Variants in VGLL4 observed in about 807,000 individuals in gnomAD.
The protein encoded by VGLL4 is vestigial like family member 4, also known as transcription cofactor vestigial-like protein 4.
Under a neutral mutation model 21.0 loss-of-function variants are expected in VGLL4, and 7 were observed. The ratio of observed to expected loss-of-function variants is 0.33; its 90% CI spans 0.19 to 0.63. The LOEUF (loss-of-function observed/expected upper bound fraction) is 0.63, where lower values mean the gene tolerates loss of function less well. Among genes scored for constraint, VGLL4 ranks in the 20% least tolerant of loss-of-function variants. VGLL4 has a pLI of 0.78. For missense variants in VGLL4, 394 were observed against 425.7 expected (o/e 0.93, Z 0.66); for synonymous variants, 222 against 173.2 (o/e 1.28, Z -2.21).
In VGLL4 at chr3:11,604,996, A is replaced by C. The variant is rs376061801; in HGVS notation, c.83-2974T>G. On this transcript the variant is annotated intron_variant, in intron 1 of 4. Transcript: ENST00000430365. ...GCCTTTCTGTCTTCTAATGCATCTCAGTCTCTGAGATGGAAACCCCGCAGG... is the reference window on the plus strand; with the variant it reads ...GCCTTTCTGTCTTCTAATGCATCTCCGTCTCTGAGATGGAAACCCCGCAGG... Among the ~76,000 whole-genome samples, 3 of 142,070 alleles carry C rather than the reference A, an allele frequency of 2.1e-5. No individual in the cohort carries two copies. The Admixed American group carries it at 2.2e-4, about 10-fold the overall frequency. The allele number at this position is 142,070 out of a possible 152,430, so 93.2% of individuals were successfully genotyped here.
intron 2 of VGLL4, among the ~76,000 whole-genome samples, chr3:11,567,833 C>A (rs1045944591): frequency 2.0e-5 from 3 of 152,222 alleles, no homozygotes; most frequent in Admixed American, 2.0e-4. Flanking sequence ...GATAAAGATA[C>A]AATTTTATTG....
intron 2 of VGLL4, among the ~76,000 whole-genome samples, chr3:11,691,956 T>C (rs1425294843): frequency 7.4e-6 from 1 of 136,048 alleles, no homozygotes; most frequent in East Asian, 2.1e-4. Context: ...AGAGAAGAGA[T>C]GATGGGTAGG....
rs751953968 is a variant in VGLL4, at chr3:11,601,931, G to A, written c.174C>T (p.Ser58=). 6 of 1,613,562 alleles carry A rather than the reference G, an allele frequency of 3.7e-6. No homozygotes were observed. Among genetic ancestry groups the A allele is most frequent in the Admixed American group, 3.3e-5 (2 of 59,952 alleles). ...SSHRTGPPPI[S]PSKRKFSMEP... The stretch of plus-strand genomic sequence containing the variant: ...CCATGCTGAACTTCCTCTTGCTGGG[G>A]CTGATTGGGGGAGGGCCGGTGCGGT... The change falls in exon 2 of 5, where the codon AGC becomes AGT. Residue 58 remains serine, a synonymous_variant. Coordinates refer to ENST00000430365, the MANE Select transcript of VGLL4 (RefSeq NM_001128219.3).
Position 11,619,535 on chromosome 3 carries a change from T to C in VGLL4, c.83-17513A>G, listed in dbSNP as rs968280680. Among the ~76,000 whole-genome samples the C allele has an allele frequency of 2.6e-5, 4 of 152,196 alleles. No homozygotes were observed. In the South Asian group the frequency reaches 8.3e-4, roughly 32 times the overall value. ...AATGAAGCTTAATTTTGAGAGACCA[T>C]GGATGCAGCAGTCTCACTTCCCTGG... is the stretch of plus-strand genomic sequence containing the variant. On this transcript the variant is annotated intron_variant, in intron 1 of 4. Transcript: ENST00000430365.
chr3:11,700,522 C>T (rs1387684072), intron 2 of VGLL4, among the ~76,000 whole-genome samples: 1 of 152,130 alleles, frequency 6.6e-6, no homozygotes, highest in Non-Finnish European at 1.5e-5. Context: ...GCCCGCCCCA[C>T]CCCTTTTTCT....
At chr3:11,688,212 T>C (rs1172481388) in intron 2 of VGLL4, among the ~76,000 whole-genome samples, 1 of 152,222 alleles carries the variant, frequency 6.6e-6, no homozygotes, top group African/African-American at 2.4e-5. Flanking sequence ...AACTTTGTAC[T>C]CTCATATCTA....
chr3:11,562,988 C>T (rs1036724401), intron 3 of VGLL4, among the ~76,000 whole-genome samples: 1 of 152,220 alleles, frequency 6.6e-6, no homozygotes, highest in Non-Finnish European at 1.5e-5. Context: ...GAGAGGGAGA[C>T]AGGGTAAAGA....
chr3:11,661,426 CA>C (rs1291495643), intron 2 of VGLL4, among the ~76,000 whole-genome samples: 1 of 147,898 alleles, frequency 6.8e-6, no homozygotes, highest in Non-Finnish European at 1.5e-5. Context: ...TATGAACCAA[CA>C]TTTTTCCTTT....
In VGLL4 at chr3:11,719,527, C is replaced by A. The variant is rs1305967379; in HGVS notation, c.-14+867G>T. The stretch of plus-strand genomic sequence containing the variant: ...GGCGCACCCCGAGGGCGCGCAGACG[C>A]ACAGGCGGGCTCGCGCCCGAGCCCC... On this transcript the variant is annotated intron_variant, in intron 1 of 5. Coordinates refer to the VGLL4 transcript ENST00000273038. The surrounding 1 kb of genome is among the most constrained non-coding windows in gnomAD (Gnocchi z 4.0). The A allele has an allele frequency of 6.7e-6, 1 of 150,098 alleles. No individual in the cohort carries two copies. Among genetic ancestry groups the A allele is most frequent in the Non-Finnish European group, 1.5e-5 (1 of 66,840 alleles). 9.3% of individuals were successfully genotyped at this position (150,098 alleles called of 1,614,324 possible).
At chr3:11,582,196 T>C in intron 2 of VGLL4, 3 of 1,464,458 alleles carry the variant, frequency 2.0e-6, no homozygotes, top group Non-Finnish European at 2.8e-6. Context: ...TCTCGCAGTT[T>C]AAATTAATTA....
At chr3:11,605,948 T>C (rs2074931575) in intron 1 of VGLL4, among the ~76,000 whole-genome samples, 1 of 152,070 alleles carries the variant, frequency 6.6e-6, no homozygotes, top group Admixed American at 6.5e-5. Context: ...GATATGAAAA[T>C]AGCCAATAAG....
chr3:11,610,012 C>A (rs1358787435), intron 1 of VGLL4, among the ~76,000 whole-genome samples: 3 of 152,150 alleles, frequency 2.0e-5, no homozygotes, highest in Non-Finnish European at 4.4e-5. Flanking sequence ...CCCTCCCAGC[C>A]CCTTTATCAT....
In VGLL4 at chr3:11,558,311, T is replaced by G. The variant is rs2072624400; in HGVS notation, c.*245A>C. ...TTTCTTTGGTAACTGAGGCAGGAAG[T>G]AAGGATGCTACATTAGACAGATGTT... On this transcript the variant is annotated 3_prime_UTR_variant, in exon 5 of 5. Transcript: ENST00000430365. 1 of 616,956 alleles carries G rather than the reference T, an allele frequency of 1.6e-6. No individual in the cohort carries two copies. The highest frequency in any genetic ancestry group is 2.7e-6 in the Non-Finnish European group (1 of 372,098). The allele number at this position is 616,956 out of a possible 1,614,324, so 38.2% of individuals were successfully genotyped here.
At chr3:11,629,677 G>A (rs769556910) in intron 1 of VGLL4, among the ~76,000 whole-genome samples, 2 of 151,212 alleles carry the variant, frequency 1.3e-5, no homozygotes, top group African/African-American at 4.9e-5. Context: ...AACCCGGGAG[G>A]CAGAGGCGGA....
upstream of VGLL4, among the ~76,000 whole-genome samples, chr3:11,646,011 A>AT (rs1246571704): frequency 1.3e-5 from 2 of 152,298 alleles, no homozygotes; most frequent in South Asian, 4.1e-4. Context: ...TGACATCTAA[A>AT]TACTAAATAC....
intron 2 of VGLL4, among the ~76,000 whole-genome samples, chr3:11,698,617 T>C (rs993708250): frequency 1.3e-5 from 2 of 152,188 alleles, no homozygotes; most frequent in Non-Finnish European, 2.9e-5. Context: ...TCAAGTTGTA[T>C]TTCCATTCAG....
intron 1 of VGLL4, chr3:11,626,445 G>A (rs1237046446): frequency 2.2e-6 from 1 of 455,920 alleles, no homozygotes; most frequent in South Asian, 1.6e-5. Flanking sequence ...CCCTGGATGG[G>A]CAGGAACTAA....
intron 2 of VGLL4, among the ~76,000 whole-genome samples, chr3:11,674,151 T>C (rs2076256981): frequency 6.6e-6 from 1 of 150,666 alleles, no homozygotes; most frequent in South Asian, 2.1e-4. Flanking sequence ...ACTCAATCTA[T>C]CAATCCAATG....
chr3:11,594,136 G>A (rs2074576099), intron 2 of VGLL4, among the ~76,000 whole-genome samples: 1 of 152,186 alleles, frequency 6.6e-6, no homozygotes, highest in Non-Finnish European at 1.5e-5. Flanking sequence ...ACATTGGACT[G>A]GTCAAGTGTC....
Sources: gnomAD v4.1 joint callset for allele counts (sites outside exome capture counted in the v4.1 genomes callset) on GRCh38, gnomAD v4.1.1 for gene constraint, Gnocchi (gnomAD v3.1) non-coding constraint, MANE v1.5 for transcripts, NCBI Gene and HGNC (gene_info 2026-07-23, HGNC 2026-07-21) for gene names.